Variants in SCN1A observed in about 807,000 individuals in gnomAD.
SCN1A encodes sodium channel protein type 1 subunit alpha.
In SCN1A, 13 loss-of-function variants were observed where a neutral mutation model predicts 193.7. The observed-to-expected ratio is 0.07, with a 90% CI of 0.04 to 0.11. The LOEUF (loss-of-function observed/expected upper bound fraction) is 0.11. Among genes scored for constraint, SCN1A ranks in the 10% least tolerant of loss-of-function variants. SCN1A has a pLI of 1.00. For missense variants in SCN1A, 1,432 were observed against 2,451.1 expected (o/e 0.58, Z 8.78); for synonymous variants, 781 against 843.6 (o/e 0.93, Z 1.29).
intron 19 of SCN1A, among the ~76,000 whole-genome samples, chr2:166,026,887 G>A (rs1260280369): frequency 6.6e-6 from 1 of 151,882 alleles, no homozygotes; most frequent in Admixed American, 6.6e-5. Context: ...GTTTCACCGT[G>A]TTAGCCAGGG....
At chr2:166,034,194 T>A (rs1696030600) in intron 19 of SCN1A, among the ~76,000 whole-genome samples, 1 of 152,192 alleles carries the variant, frequency 6.6e-6, no homozygotes. Flanking sequence ...GCACTATATT[T>A]CTTTCCCTTC....
Position 166,025,525 on chromosome 2 carries a change from T to C in SCN1A, c.3430-9798A>G, listed in dbSNP as rs1464014114. 2.0e-5 allele frequency among the ~76,000 whole-genome samples: 3 copies of C among 152,054 alleles called. No individual in the cohort carries two copies. The East Asian group carries it at 5.8e-4, about 29-fold the overall frequency. On this transcript the variant is annotated intron_variant, in intron 19 of 28. Transcript: ENST00000674923. ...ATTAGGTCAGGCCCACCCAGCATCATCCCCCTTTTTGTCATAAATGTAATG... is the reference window on the plus strand; with the variant it reads ...ATTAGGTCAGGCCCACCCAGCATCACCCCCCTTTTTGTCATAAATGTAATG...
intron 12 of SCN1A, among the ~76,000 whole-genome samples, chr2:166,046,248 T>C (rs2105857998): frequency 6.6e-6 from 1 of 152,302 alleles, no homozygotes; most frequent in East Asian, 1.9e-4. Context: ...AGATGGTCAA[T>C]CTGTGTAAGA....
rs573397394 is a variant in SCN1A at position 166,068,064 on chromosome 2, A to G, written c.264+5294T>C. On this transcript the variant is annotated intron_variant, in intron 4 of 28. Transcript: ENST00000674923. ...AGCACCACTGGTGGCTATTTCTGCC[A>G]TCTTGTGGAAGAGCCAGCCTGCAAA... Among the ~76,000 whole-genome samples, 49 of 152,302 alleles carry G rather than the reference A, an allele frequency of 3.2e-4. 1 individual carries two copies. The highest frequency in any genetic ancestry group is 2.1e-3 in the South Asian group (10 of 4,828).
At chr2:166,073,212 G>T in intron 4 of SCN1A, 146 bp downstream of exon 4, 1 of 895,954 alleles carries the variant, frequency 1.1e-6, no homozygotes, top group Non-Finnish European at 1.7e-6. Context: ...TCATGTATAT[G>T]CATAAACCAC....
In SCN1A at chr2:165,992,406, C is replaced by T. The variant is rs1689378178; in HGVS notation, c.4869G>A (p.Glu1623=). ...ILSIVGMFLA[E]LIEKYFVSPT... ...GGGACACGAAATACTTTTCTATCAGCTCGGCAAGAAACATACCTATGAATA... is the reference window on the plus strand; with the variant it reads ...GGGACACGAAATACTTTTCTATCAGTTCGGCAAGAAACATACCTATGAATA... Residue 1623 remains glutamate (E), a synonymous_variant, in exon 29 of 29, where the codon GAG becomes GAA. Transcript: ENST00000674923. This position sits in a 1 kb window ranked among gnomAD's most constrained non-coding sequence, Gnocchi z 6.5. The T allele has an allele frequency of 1.2e-6, 2 of 1,613,404 alleles. No individual in the cohort carries two copies. Among genetic ancestry groups the T allele is most frequent in the Non-Finnish European group, 1.7e-6 (2 of 1,179,688 alleles).
chr2:165,992,203 T>C lies in SCN1A; in HGVS notation c.5072A>G (p.Asn1691Ser), dbSNP rs759094188. 1 of 1,613,854 alleles carries C rather than the reference T, an allele frequency of 6.2e-7. No homozygotes were observed. The highest frequency in any genetic ancestry group is 8.5e-7 in the Non-Finnish European group (1 of 1,179,900). Residue 1691 changes from asparagine (N) to serine (S), a missense_variant, in exon 29 of 29, where the codon AAC (asparagine) becomes AGC (serine). Physicochemically the swap from Asn to Ser is conservative, Grantham distance 46 (BLOSUM62 1). This residue lies in a region of SCN1A where 85 missense variants were observed against 213.2 expected (regional missense o/e 0.40). Transcript: ENST00000674923. The surrounding 1 kb of genome is among the most constrained non-coding windows in gnomAD (Gnocchi z 6.5). ...MFIYAIFGMS[N>S]FAYVKREVGI... ...AACTTCCCTCTTAACATAGGCAAAG[T>C]TGGACATCCCAAAGATGGCGTAGAT...
chr2:166,098,946 T>G (rs189507856), intron 2 of SCN1A, among the ~76,000 whole-genome samples: 84 of 152,310 alleles, frequency 5.5e-4, no homozygotes, highest in African/African-American at 1.9e-3. Context: ...CAAAGCAATT[T>G]ACAGATTCAA....
chr2:166,058,526 G>T, intron 5 of SCN1A, 44 bp downstream of exon 5: 2 of 1,122,204 alleles, frequency 1.8e-6, no homozygotes, highest in Non-Finnish European at 2.7e-6. Flanking sequence ...AGTGCTTACA[G>T]ATCATGTACA....
intron 18 of SCN1A, 62 bp from the exon 19 acceptor site, chr2:166,036,592 T>A: frequency 6.6e-7 from 1 of 1,524,810 alleles, no homozygotes; most frequent in Non-Finnish European, 9.0e-7. Flanking sequence ...CAGATTACAA[T>A]CACTTATTCT....
At chr2:166,143,978 A>G (rs1415455505) in intron 1 of SCN1A, among the ~76,000 whole-genome samples, 3 of 152,204 alleles carry the variant, frequency 2.0e-5, no homozygotes, top group African/African-American at 7.2e-5. Flanking sequence ...TTCACATTCA[A>G]AGTCTGAGAA....
At chr2:166,100,196 A>G (rs1291094735) in intron 2 of SCN1A, among the ~76,000 whole-genome samples, 1 of 136,954 alleles carries the variant, frequency 7.3e-6, no homozygotes, top group Non-Finnish European at 1.6e-5. Flanking sequence ...CAGAGCCCTC[A>G]GAAATAACGC....
At chr2:166,079,908 ATCT>A (rs1685327792) in intron 2 of SCN1A, among the ~76,000 whole-genome samples, 1 of 151,542 alleles carries the variant, frequency 6.6e-6, no homozygotes, top group Non-Finnish European at 1.5e-5. Context: ...CTCTAAGTAG[ATCT>A]TCTATTCAAA....
intron 12 of SCN1A, among the ~76,000 whole-genome samples, chr2:166,045,883 A>G (rs1304284800): frequency 6.6e-6 from 1 of 152,142 alleles, no homozygotes; most frequent in East Asian, 1.9e-4. Flanking sequence ...GGGAGAATCA[A>G]TAGTTTCTGC....
At chr2:166,089,885 G>T (rs914790125) in intron 2 of SCN1A, among the ~76,000 whole-genome samples, 2 of 151,844 alleles carry the variant, frequency 1.3e-5, no homozygotes, top group East Asian at 3.9e-4. Flanking sequence ...ATTATTAAAA[G>T]TATTGATGTA....
In SCN1A at chr2:166,020,356, T is replaced by C. The variant is rs150449888; in HGVS notation, c.3430-4629A>G. On this transcript the variant is annotated intron_variant, in intron 19 of 28. Transcript: ENST00000674923. The stretch of plus-strand genomic sequence containing the variant: ...TGGGCATATATTTTATTATAACTTC[T>C]CTTCATTCTAATGGACTTACTTACA... 3.0e-4 allele frequency among the ~76,000 whole-genome samples: 45 copies of C among 152,336 alleles called. No individual in the cohort carries two copies. In the East Asian group the frequency reaches 8.5e-3, roughly 29 times the overall value.
At chr2:166,080,276 A>G (rs191787186) in intron 2 of SCN1A, among the ~76,000 whole-genome samples, 16 of 151,926 alleles carry the variant, frequency 1.1e-4, no homozygotes, top group African/African-American at 3.9e-4. Context: ...CTCTTTTCAT[A>G]AAAACCAGCA....
upstream of SCN1A, among the ~76,000 whole-genome samples, chr2:166,128,323 C>T (rs1428763877): frequency 6.6e-6 from 1 of 151,892 alleles, no homozygotes; most frequent in African/African-American, 2.4e-5. Flanking sequence ...ACTTGAAAAA[C>T]TTTAGCATTA....
upstream of SCN1A, among the ~76,000 whole-genome samples, chr2:166,132,670 AT>A (rs1414575212): frequency 6.6e-6 from 1 of 152,146 alleles, no homozygotes; most frequent in Non-Finnish European, 1.5e-5. Flanking sequence ...TAAAGTTACA[AT>A]TTTTTGATGG....
Sources: gnomAD v4.1 joint callset for allele counts (sites outside exome capture counted in the v4.1 genomes callset) on GRCh38, gnomAD v4.1.1 for gene constraint, gnomAD v4.1.1 regional missense constraint, Gnocchi (gnomAD v3.1) non-coding constraint, MANE v1.5 for transcripts, NCBI Gene and HGNC (gene_info 2026-07-23, HGNC 2026-07-21) for gene names.